Variants in NAV3 observed in about 807,000 individuals in gnomAD.
NAV3 encodes the protein neuron navigator 3, also known as pore membrane and/or filament interacting like protein 1.
Under a neutral mutation model 244.7 loss-of-function variants are expected in NAV3, and 87 were observed. The ratio of observed to expected loss-of-function variants is 0.36; its 90% CI spans 0.30 to 0.42. The LOEUF is 0.42. NAV3 is among the 20% of genes least tolerant of loss of function. The probability of loss-of-function intolerance (pLI) is 1.00; values close to 1 mark genes in which losing one functional copy is unlikely to be tolerated. For synonymous variants in NAV3, 1,126 were observed against 1,042.2 expected (o/e 1.08, Z -1.55); for missense variants, 2,663 against 2,893.3 (o/e 0.92, Z 1.83).
rs114487756 is a variant in NAV3, at chr12:77,773,720, C to T, written c.73-166599C>T. Among the ~76,000 whole-genome samples, 613 of 152,144 alleles carry T rather than the reference C, an allele frequency of 4.0e-3. 6 individuals carry two copies. The highest frequency in any genetic ancestry group is 0.014 in the African/African-American group (588 of 41,494). Reference sequence around the variant, plus strand: ...ATAATGTACATCTCATTGAGTAACCCGCAAATATGTATTTTGACAACTTTA... The same window carrying T: ...ATAATGTACATCTCATTGAGTAACCTGCAAATATGTATTTTGACAACTTTA... On this transcript the variant is annotated intron_variant, in intron 2 of 8. Transcript: ENST00000550042.
At chr12:77,895,928 A>C (rs1407658015) in intron 1 of NAV3, among the ~76,000 whole-genome samples, 1 of 137,592 alleles carries the variant, frequency 7.3e-6, no homozygotes, top group African/African-American at 2.7e-5. Context: ...ATGGCCATTT[A>C]GACTGCCTTT....
chr12:77,785,435 A>T (rs1322922934), intron 2 of NAV3, among the ~76,000 whole-genome samples: 9 of 152,142 alleles, frequency 5.9e-5, no homozygotes, highest in Non-Finnish European at 1.5e-5. Flanking sequence ...CTTGGATGTT[A>T]GGCAGACAGA....
chr12:77,813,359 G>T (rs1014896764), intron 2 of NAV3, among the ~76,000 whole-genome samples: 1 of 152,120 alleles, frequency 6.6e-6, no homozygotes, highest in African/African-American at 2.4e-5. Context: ...TGCCTTTCCA[G>T]GTTGTTGGGT....
intron 2 of NAV3, among the ~76,000 whole-genome samples, chr12:77,694,417 G>A (rs1727873): frequency 0.81 from 123,165 of 151,224 alleles, 52,674 homozygotes; most frequent in East Asian, 1. Context: ...AGGTTGCAGT[G>A]AGCTGAGATC....
Position 78,185,689 on chromosome 12 carries a change from T to C in NAV3, c.5781T>C (p.Gly1927=). 6 of 1,607,400 alleles carry C rather than the reference T, an allele frequency of 3.7e-6. No individual in the cohort carries two copies. Among genetic ancestry groups the C allele is most frequent in the Non-Finnish European group, 5.1e-6 (6 of 1,176,674 alleles). ...KIIVSISKGY[G]RAKDQKSQAY... The stretch of plus-strand genomic sequence containing the variant: ...TAGTCTCCATAAGCAAGGGCTATGG[T>C]CGAGCAAAGGTACTTCTTTAATCTT... Residue 1927 remains glycine (G), a synonymous_variant, in exon 31 of 40, where the codon GGT becomes GGC. Coordinates refer to ENST00000397909, the MANE Select transcript of NAV3 (RefSeq NM_001024383.2).
chr12:77,938,712 T>A (rs1162433373), intron 1 of NAV3, among the ~76,000 whole-genome samples: 1 of 152,134 alleles, frequency 6.6e-6, no homozygotes, highest in African/African-American at 2.4e-5. Context: ...AAGGTACATA[T>A]GTCAGGCTGT....
intron 1 of NAV3, among the ~76,000 whole-genome samples, chr12:77,884,389 A>C (rs915486233): frequency 1.3e-5 from 2 of 152,110 alleles, no homozygotes; most frequent in African/African-American, 4.8e-5. Flanking sequence ...TGGAGGCTCA[A>C]AGATACTGGT....
At chr12:77,851,274 T>G (rs1877479489) in intron 1 of NAV3, among the ~76,000 whole-genome samples, 1 of 152,156 alleles carries the variant, frequency 6.6e-6, no homozygotes, top group African/African-American at 2.4e-5. Flanking sequence ...GAATTCAAAT[T>G]GTATCTTATC....
At chr12:77,633,241 A>C (rs924318389) in intron 2 of NAV3, among the ~76,000 whole-genome samples, 2 of 152,100 alleles carry the variant, frequency 1.3e-5, no homozygotes, top group East Asian at 1.9e-4. Flanking sequence ...TAAATCCGTA[A>C]ATATTTGACT....
intron 11 of NAV3, chr12:78,052,345 T>G (rs1186939569): frequency 1.3e-5 from 2 of 152,234 alleles, no homozygotes; most frequent in Admixed American, 1.3e-4. Flanking sequence ...TTATAGAGAC[T>G]AATTATGATT....
intron 12 of NAV3, among the ~76,000 whole-genome samples, chr12:78,087,387 A>G (rs1226342132): frequency 6.6e-6 from 1 of 152,052 alleles, no homozygotes; most frequent in Non-Finnish European, 1.5e-5. Flanking sequence ...TTTGTCCTGT[A>G]TAGCACAGAG....
chr12:77,925,335 A>C (rs767344193), intron 1 of NAV3, among the ~76,000 whole-genome samples: 3 of 152,062 alleles, frequency 2.0e-5, no homozygotes, highest in Non-Finnish European at 4.4e-5. Context: ...TTTGACTTTT[A>C]TTCATTATCT....
At chr12:77,848,485 A>C (rs958577112) in intron 1 of NAV3, among the ~76,000 whole-genome samples, 3 of 152,244 alleles carry the variant, frequency 2.0e-5, no homozygotes, top group African/African-American at 7.2e-5. Context: ...AGGCTTGCCC[A>C]AAAATGCTTA....
intron 1 of NAV3, among the ~76,000 whole-genome samples, chr12:77,874,413 G>A (rs956052942): frequency 6.6e-6 from 1 of 151,756 alleles, no homozygotes; most frequent in African/African-American, 2.4e-5. Flanking sequence ...ATAGAGATGT[G>A]TTGCCCAGGC....
Position 78,122,343 on chromosome 12 carries a change from T to TA in NAV3, c.4153_4154insA (p.Ser1385TyrfsTer21). 1 of 1,614,030 alleles carries TA rather than the reference T, an allele frequency of 6.2e-7. No homozygotes were observed. The highest frequency in any genetic ancestry group is 8.5e-7 in the Non-Finnish European group (1 of 1,179,992). On this transcript the variant is annotated frameshift_variant, in exon 16 of 40. Transcript: ENST00000397909. LOFTEE classifies it high-confidence loss of function. ...TGACCTCCCCCTCAGCCATCATGGC[T>TA]CCTTGTCTGGACTGACCACAGGCAC...
intron 2 of NAV3, among the ~76,000 whole-genome samples, chr12:77,656,551 A>G (rs1381629887): frequency 8.0e-6 from 1 of 125,310 alleles, no homozygotes; most frequent in African/African-American, 3.6e-5. Context: ...CAGATCAACA[A>G]GACAGAAAGT....
chr12:77,679,275 G>T (rs572453107), intron 2 of NAV3, among the ~76,000 whole-genome samples: 1 of 152,014 alleles, frequency 6.6e-6, no homozygotes, highest in Admixed American at 6.5e-5. Flanking sequence ...CAGGTTATCG[G>T]GGAAACAACA....
At chr12:78,162,845 G>T (rs1327211708) in intron 23 of NAV3, among the ~76,000 whole-genome samples, 1 of 120,604 alleles carries the variant, frequency 8.3e-6, no homozygotes, top group Non-Finnish European at 1.6e-5. Context: ...CTGGGCAACA[G>T]AGCAAGACTC....
chr12:78,105,435 A>G, intron 12 of NAV3, among the ~76,000 whole-genome samples: 1 of 152,088 alleles, frequency 6.6e-6, no homozygotes, highest in South Asian at 2.1e-4. Flanking sequence ...TTAGAATGGT[A>G]TCTAGTCACC....
Sources: gnomAD v4.1 joint callset for allele counts (sites outside exome capture counted in the v4.1 genomes callset) on GRCh38, gnomAD v4.1.1 for gene constraint, MANE v1.5 for transcripts, NCBI Gene and HGNC (gene_info 2026-07-23, HGNC 2026-07-21) for gene names.